Variants in SLC3A1 observed in about 807,000 individuals in gnomAD.
The protein encoded by SLC3A1 is amino acid transporter heavy chain SLC3A1.
Under a neutral mutation model 60.3 loss-of-function variants are expected in SLC3A1, and 78 were observed. The ratio of observed to expected loss-of-function variants is 1.29; its 90% CI spans 1.08 to 1.56. The LOEUF is 1.56. Among genes scored for constraint, SLC3A1 ranks in the 40% most tolerant of loss-of-function variants. The pLI is 0.00. For synonymous variants in SLC3A1, 392 were observed against 307.9 expected (o/e 1.27, Z -2.86); for missense variants, 1,172 against 858.9 (o/e 1.36, Z -4.56).
At chr2:44,287,603 C>T (rs1049491648) in intron 4 of SLC3A1, among the ~76,000 whole-genome samples, 2 of 152,156 alleles carry the variant, frequency 1.3e-5, no homozygotes, top group African/African-American at 4.8e-5. Context: ...GGCAACCCTA[C>T]CAGTATGCTG....
In SLC3A1 at chr2:44,304,172, G is replaced by C; in HGVS notation, c.1166G>C (p.Ser389Thr). The C allele has an allele frequency of 6.2e-7, 1 of 1,614,128 alleles. No individual in the cohort carries two copies. Among genetic ancestry groups the C allele is most frequent in the Non-Finnish European group, 8.5e-7 (1 of 1,179,980 alleles). ...RFMGTEAYAESIDRTVMYYGL... is the reference protein window; with the variant it reads ...RFMGTEAYAETIDRTVMYYGL... ...ATGGGGACTGAAGCCTATGCAGAGA[G>C]TATTGACAGGACCGTGATGTACTAT... Residue 389 changes from serine (S) to threonine (T), a missense_variant, in exon 7 of 10, where the codon AGT becomes ACT. Ser to Thr is a moderately conservative substitution (Grantham distance 58). Coordinates refer to ENST00000260649, the MANE Select transcript of SLC3A1 (RefSeq NM_000341.4).
chr2:44,303,560 G>T (rs4952711), intron 6 of SLC3A1, among the ~76,000 whole-genome samples: 6 of 7,780 alleles, frequency 7.7e-4, no homozygotes, highest in South Asian at 5.0e-3. Context: ...CATTTTTTTT[G>T]GGGGGGGTGG....
chr2:44,303,671 G>T (rs1416398857), intron 6 of SLC3A1: 1 of 250,752 alleles, frequency 4.0e-6, no homozygotes, highest in Non-Finnish European at 7.9e-6. Flanking sequence ...ATGTTGGTTT[G>T]CTGCACCCAT....
intron 5 of SLC3A1, 68 bp downstream of exon 5, chr2:44,300,158 C>T: frequency 6.6e-7 from 1 of 1,507,190 alleles, no homozygotes; most frequent in East Asian, 2.3e-5. Context: ...TTTTCTTTCT[C>T]AGCCTGAGAT....
intron 1 of SLC3A1, among the ~76,000 whole-genome samples, chr2:44,278,164 G>T (rs1671392719): frequency 2.0e-5 from 3 of 152,168 alleles, no homozygotes; most frequent in African/African-American, 4.8e-5. Context: ...AGCCTGTCAG[G>T]CCAGGCGTGG....
intron 1 of SLC3A1, among the ~76,000 whole-genome samples, chr2:44,278,251 T>C (rs1046215912): frequency 6.6e-6 from 1 of 151,898 alleles, no homozygotes; most frequent in South Asian, 2.1e-4. Context: ...GAGACCATCC[T>C]GGCTAACACG....
intron 6 of SLC3A1, 138 bp downstream of exon 6, chr2:44,301,265 T>A: frequency 8.9e-7 from 1 of 1,123,966 alleles, no homozygotes; most frequent in South Asian, 1.3e-5. Flanking sequence ...ACAGTTTGGT[T>A]GTACCAGGGC....
chr2:44,282,016 C>T (rs72802972), intron 3 of SLC3A1, among the ~76,000 whole-genome samples: 4,614 of 152,136 alleles, frequency 0.03, 102 homozygotes, highest in Non-Finnish European at 0.039. Context: ...TGATTACAGG[C>T]GCGCGTCATC....
chr2:44,282,530 T>C (rs1218797584), intron 3 of SLC3A1, among the ~76,000 whole-genome samples: 2 of 152,178 alleles, frequency 1.3e-5, no homozygotes, highest in South Asian at 2.1e-4. Context: ...CCCTCCTTTC[T>C]GGGGTGACCA....
chr2:44,322,123 A>G (rs1248409369), downstream of SLC3A1, among the ~76,000 whole-genome samples: 1 of 152,144 alleles, frequency 6.6e-6, no homozygotes, highest in Non-Finnish European at 1.5e-5. Flanking sequence ...AAAAGACTAT[A>G]TGGTGCCACA....
At chr2:44,300,856 G>A in intron 5 of SLC3A1, 147 bp from the exon 6 acceptor site, 1 of 826,338 alleles carries the variant, frequency 1.2e-6, no homozygotes, top group East Asian at 2.6e-5. Flanking sequence ...ATCAAATGAA[G>A]CATTCTTCTC....
In SLC3A1 at chr2:44,304,199, G is replaced by A; in HGVS notation, c.1193G>A (p.Gly398Glu). 6.2e-7 allele frequency: 1 copy of A among 1,614,094 alleles called. No individual in the cohort carries two copies. Among genetic ancestry groups the A allele is most frequent in the Non-Finnish European group, 8.5e-7 (1 of 1,179,970 alleles). ...ATTGACAGGACCGTGATGTACTATG[G>A]ATTGCCATTTATCCAAGAAGCTGAT... ...ESIDRTVMYY[G>E]LPFIQEADFP... is the part of the protein sequence containing the mutation. Residue 398 changes from glycine (G) to glutamate (E), a missense_variant, in exon 7 of 10, where the codon GGA becomes GAA. Physicochemically the swap from Gly to Glu is moderately conservative, Grantham distance 98 (BLOSUM62 -2). Transcript: ENST00000260649.
In SLC3A1 at chr2:44,303,681, T is replaced by C. The variant is rs1474091013; in HGVS notation, c.1137-462T>C. Reference sequence around the variant, plus strand: ...GTGCCATGTTGGTTTGCTGCACCCATCAACTTGTCATTTACATTAGGTATT... The same window carrying C: ...GTGCCATGTTGGTTTGCTGCACCCACCAACTTGTCATTTACATTAGGTATT... On this transcript the variant is annotated intron_variant, in intron 6 of 9. Coordinates refer to ENST00000260649, the MANE Select transcript of SLC3A1 (RefSeq NM_000341.4). 5 of 257,440 alleles carry C rather than the reference T, an allele frequency of 1.9e-5. No homozygotes were observed. The Admixed American group carries it at 2.4e-4, about 13-fold the overall frequency. The allele number at this position is 257,440 out of a possible 1,614,324, so 15.9% of individuals were successfully genotyped here.
chr2:44,305,469 C>G (rs1672131671), intron 7 of SLC3A1, among the ~76,000 whole-genome samples: 3 of 149,568 alleles, frequency 2.0e-5, no homozygotes. Flanking sequence ...CCCTCTGTTG[C>G]CCAGGCTGGA....
At chr2:44,280,974 C>A (rs1325089470) in intron 2 of SLC3A1, 79 bp downstream of exon 2, 3 of 1,242,788 alleles carry the variant, frequency 2.4e-6, no homozygotes, top group Non-Finnish European at 2.4e-6. Context: ...TAAAGCATTT[C>A]TTCTCCTTAA....
Position 44,312,627 on chromosome 2 carries a change from G to T in SLC3A1, c.1374G>T (p.Gly458=). The T allele has an allele frequency of 6.2e-7, 1 of 1,613,962 alleles. No homozygotes were observed. The highest frequency in any genetic ancestry group is 2.2e-5 in the East Asian group (1 of 44,880). Residue 458 remains glycine, a synonymous_variant, in exon 8 of 10, where the codon GGG becomes GGT. Coordinates refer to ENST00000260649, the MANE Select transcript of SLC3A1 (RefSeq NM_000341.4). ...GTTCACGGCTGACTTCGCGTTTGGG[G>T]AATCAGTATGTCAACGTGATGAACA... ...PDSSRLTSRL[G]NQYVNVMNML... is the part of the protein sequence containing the mutation.
intron 4 of SLC3A1, among the ~76,000 whole-genome samples, chr2:44,287,802 G>A (rs768915932): frequency 7.9e-5 from 12 of 152,154 alleles, no homozygotes; most frequent in Admixed American, 2.0e-4. Flanking sequence ...CTAACAGAAC[G>A]GGGAGCATTG....
intron 9 of SLC3A1, chr2:44,319,597 A>G (rs1464884043): frequency 6.6e-6 from 1 of 152,606 alleles, no homozygotes; most frequent in Non-Finnish European, 1.5e-5. Flanking sequence ...AACCCAAATC[A>G]TCTTTAATGA....
At chr2:44,318,767 G>C (rs1206945440) in intron 9 of SLC3A1, 1 of 152,122 alleles carries the variant, frequency 6.6e-6, no homozygotes, top group Non-Finnish European at 1.5e-5. Context: ...CAAAAATCAG[G>C]CTTGGAAGTA....
Sources: allele counts gnomAD v4.1 joint callset (sites outside exome capture counted in the v4.1 genomes callset), GRCh38; gene constraint gnomAD v4.1.1; transcripts MANE v1.5; gene names NCBI Gene and HGNC (gene_info 2026-07-23, HGNC 2026-07-21).